PCYT1B: variants seen among roughly 807,000 people sequenced by gnomAD.
PCYT1B encodes the protein choline-phosphate cytidylyltransferase B.
PCYT1B carries 10 observed loss-of-function variants against 26.4 expected under a neutral mutation model. The ratio of observed to expected loss-of-function variants is 0.38; its 90% CI spans 0.23 to 0.64. PCYT1B has a LOEUF of 0.64. Among genes scored for constraint, PCYT1B ranks in the 30% least tolerant of loss-of-function variants. PCYT1B has a pLI of 0.56. For missense variants in PCYT1B, 161 were observed against 292.7 expected (o/e 0.55, Z 3.28); for synonymous variants, 131 against 108.4 (o/e 1.21, Z -1.29).
At chrX:24,657,225 A>G in intron 1 of PCYT1B, among the ~76,000 whole-genome samples, 1 of 112,365 alleles carries the variant, frequency 8.9e-6, no homozygotes, top group Admixed American at 9.5e-5. Flanking sequence ...TCAAAACTCC[A>G]AATACAGCCG....
intron 1 of PCYT1B, among the ~76,000 whole-genome samples, chrX:24,656,236 G>A (rs1165192924): frequency 1.0e-5 from 1 of 98,941 alleles, no homozygotes; most frequent in Admixed American, 1.1e-4. Context: ...TCGCGGGGGG[G>A]GGTGGTAATC....
upstream of PCYT1B, among the ~76,000 whole-genome samples, chrX:24,651,232 T>G (rs1432071321): frequency 9.3e-6 from 1 of 107,825 alleles, no homozygotes; most frequent in Non-Finnish European, 1.9e-5. Flanking sequence ...CTGAGGTGGG[T>G]GGATCATGAG....
At chrX:24,638,075 A>G (rs1304586093) in intron 1 of PCYT1B, among the ~76,000 whole-genome samples, 1 of 91,246 alleles carries the variant, frequency 1.1e-5, no homozygotes, top group African/African-American at 4.3e-5. Flanking sequence ...ATCATTCATG[A>G]TGTTTCTATT....
chrX:24,649,841 G>A (rs1462224019), upstream of PCYT1B, among the ~76,000 whole-genome samples: 5 of 112,036 alleles, frequency 4.5e-5, no homozygotes, highest in Admixed American at 9.5e-5. Context: ...TGCTAAGTCC[G>A]TCACACCTGA....
chrX:24,572,917 A>ATT (rs1490066516), intron 7 of PCYT1B, among the ~76,000 whole-genome samples: 7 of 62,539 alleles, frequency 1.1e-4, no homozygotes, highest in Admixed American at 6.0e-4. Flanking sequence ...TTTTCATCAA[A>ATT]TTATATATAT....
chrX:24,637,491 A>AAAATATATATATATATATATAT, intron 1 of PCYT1B, among the ~76,000 whole-genome samples: 1 of 52,894 alleles, frequency 1.9e-5, no homozygotes, highest in Non-Finnish European at 2.9e-5. Context: ...AAAAAAAAAA[A>AAAATATATATATATATATATAT]ATATATATAT....
chrX:24,574,153 T>C (rs1006394390), intron 7 of PCYT1B, among the ~76,000 whole-genome samples: 28 of 112,093 alleles, frequency 2.5e-4, no homozygotes, highest in African/African-American at 8.4e-4. Flanking sequence ...ACTTCTCATA[T>C]TATAATAGGA....
chrX:24,660,741 G>C, intron 1 of PCYT1B, among the ~76,000 whole-genome samples: 1 of 109,642 alleles, frequency 9.1e-6, no homozygotes, highest in Admixed American at 9.8e-5. Context: ...AGCTATATGC[G>C]GTCAATGATC....
chrX:24,630,127 GAATTT>G (rs1417338814), intron 1 of PCYT1B, among the ~76,000 whole-genome samples: 2 of 111,301 alleles, frequency 1.8e-5, no homozygotes, highest in Admixed American at 9.6e-5. Context: ...TTAGATAATT[GAATTT>G]AAGTTTATAG....
chrX:24,577,888 C>G (rs1230059100), intron 6 of PCYT1B, among the ~76,000 whole-genome samples: 2 of 111,378 alleles, frequency 1.8e-5, no homozygotes, highest in African/African-American at 6.5e-5. Context: ...AACATCATCT[C>G]CAGCAACTGG....
intron 2 of PCYT1B, 33 bp downstream of exon 2, chrX:24,618,952 G>A (rs752893335): frequency 2.1e-6 from 2 of 934,542 alleles, no homozygotes; most frequent in Non-Finnish European, 2.9e-6. Flanking sequence ...TGTCAAGACA[G>A]GGCCCATTTA....
chrX:24,644,537 G>T (rs964541189), intron 1 of PCYT1B, among the ~76,000 whole-genome samples: 2 of 110,619 alleles, frequency 1.8e-5, no homozygotes, highest in Non-Finnish European at 3.8e-5. Flanking sequence ...TCTCACTTAT[G>T]AGTATGTTAT....
At chrX:24,670,117 G>GAAAGAAAGAAAGAAAGA (rs1569261924) in intron 1 of PCYT1B, among the ~76,000 whole-genome samples, 1 of 74,697 alleles carries the variant, frequency 1.3e-5, no homozygotes, top group African/African-American at 4.7e-5. Flanking sequence ...AGAAAGAAAG[G>GAAAGAAAGAAAGAAAGA]AAGGAAGGAA....
At chrX:24,662,475 GCA>G (rs1927048472) in intron 1 of PCYT1B, among the ~76,000 whole-genome samples, 1 of 111,378 alleles carries the variant, frequency 9.0e-6, no homozygotes, top group Non-Finnish European at 1.9e-5. Context: ...CTCTGCCCCG[GCA>G]CCCTGATGAC....
intron 7 of PCYT1B, among the ~76,000 whole-genome samples, chrX:24,574,273 C>T (rs1454974373): frequency 1.8e-5 from 2 of 111,362 alleles, no homozygotes; most frequent in African/African-American, 3.3e-5. Context: ...AACCCTTTAG[C>T]GTCTCTAAAG....
At chrX:24,665,037 A>G (rs1927099762) in intron 1 of PCYT1B, among the ~76,000 whole-genome samples, 1 of 111,471 alleles carries the variant, frequency 9.0e-6, no homozygotes, top group Non-Finnish European at 1.9e-5. Flanking sequence ...AACATTGAAA[A>G]ACACCTAGGA....
At chrX:24,625,806 G>A (rs1433207732) in intron 1 of PCYT1B, among the ~76,000 whole-genome samples, 1 of 103,622 alleles carries the variant, frequency 9.7e-6, no homozygotes, top group East Asian at 3.0e-4. Flanking sequence ...AGAAAAGAGA[G>A]AGGTAATTGT....
chrX:24,599,753 G>A (rs909871727), intron 3 of PCYT1B, among the ~76,000 whole-genome samples: 2 of 110,741 alleles, frequency 1.8e-5, no homozygotes, highest in Non-Finnish European at 1.9e-5. Flanking sequence ...TAAGTTTGAG[G>A]GAAAAAATGA....
chrX:24,595,761 A>G (rs1456474528), intron 3 of PCYT1B, among the ~76,000 whole-genome samples: 3 of 110,159 alleles, frequency 2.7e-5, no homozygotes, highest in African/African-American at 9.9e-5. Context: ...CACGCCTGTA[A>G]TTCCAGCTAC....
Sources: allele counts gnomAD v4.1 joint callset (sites outside exome capture counted in the v4.1 genomes callset), GRCh38; gene constraint gnomAD v4.1.1; transcripts MANE v1.5; gene names NCBI Gene and HGNC (gene_info 2026-07-23, HGNC 2026-07-21).